Variants in ANK2 observed in about 807,000 individuals in gnomAD.
ANK2 encodes ankyrin-2.
A neutral mutation model predicts 360.5 loss-of-function variants in ANK2; 83 were observed. The ratio of observed to expected loss-of-function variants is 0.23; its 90% CI spans 0.19 to 0.28. The LOEUF (loss-of-function observed/expected upper bound fraction) is 0.28. Among genes scored for constraint, ANK2 ranks in the 10% least tolerant of loss-of-function variants. The pLI is 1.00. For missense variants in ANK2, 4,201 were observed against 4,795.7 expected (o/e 0.88, Z 3.66); for synonymous variants, 1,740 against 1,759.5 (o/e 0.99, Z 0.28).
intron 1 of ANK2, among the ~76,000 whole-genome samples, chr4:113,069,478 C>T (rs555550787): frequency 3.4e-4 from 52 of 152,266 alleles, no homozygotes; most frequent in African/African-American, 8.7e-4. Flanking sequence ...ATCCAATCAA[C>T]GAAGATCAGC....
At chr4:112,822,447 AC>A (rs1203382099) in intron 1 of ANK2, among the ~76,000 whole-genome samples, 1 of 150,916 alleles carries the variant, frequency 6.6e-6, no homozygotes, top group Non-Finnish European at 1.5e-5. Context: ...AACAACAACA[AC>A]AAAAAACCAT....
chr4:112,989,423 A>G (rs1383505085), intron 2 of ANK2, among the ~76,000 whole-genome samples: 1 of 152,234 alleles, frequency 6.6e-6, no homozygotes, highest in East Asian at 1.9e-4. Context: ...CATAATATTT[A>G]TCTACCAAAT....
intron 26 of ANK2, among the ~76,000 whole-genome samples, chr4:113,322,453 G>A (rs866825638): frequency 2.6e-5 from 4 of 152,300 alleles, no homozygotes; most frequent in African/African-American, 7.2e-5. Context: ...TCTTGGGCAA[G>A]AATTTTAATT....
intron 1 of ANK2, chr4:113,072,102 G>C (rs1307325016): frequency 6.6e-6 from 1 of 152,182 alleles, no homozygotes; most frequent in Non-Finnish European, 1.5e-5. Flanking sequence ...TTCAAGATGA[G>C]ATTTGGATGG....
In ANK2 at chr4:113,356,265, G is replaced by A. The variant is rs761693652; in HGVS notation, c.7647G>A (p.Glu2549=). ...CCAGCTCTGAAGAAGTCAGCTATGA[G>A]GTTACACCCAAAACCACAGATGTAA... ...DTPSSEEVSY[E]VTPKTTDVST... The change falls in exon 38 of 46, where the codon GAG becomes GAA. Residue 2549 remains glutamate, a synonymous_variant. Transcript: ENST00000357077. 1.2e-6 allele frequency: 2 copies of A among 1,614,064 alleles called. No homozygotes were observed. Among genetic ancestry groups the A allele is most frequent in the South Asian group, 1.1e-5 (1 of 91,074 alleles).
chr4:112,832,799 A>C (rs2060090648), intron 1 of ANK2, among the ~76,000 whole-genome samples: 1 of 152,260 alleles, frequency 6.6e-6, no homozygotes, highest in Admixed American at 6.5e-5. Context: ...AAATATTTTA[A>C]AAGGATATAT....
Position 113,092,391 on chromosome 4 carries a change from T to C in ANK2, c.84+42579T>C, listed in dbSNP as rs533579123. On this transcript the variant is annotated intron_variant, in intron 1 of 45. Coordinates refer to ENST00000357077, the MANE Select transcript of ANK2 (RefSeq NM_001148.6). ...GTGTAGAAGTCCTTGTTAATTAAAG[T>C]GTCCATGGACCAGCAGCATGGGCAT... 5.8e-4 allele frequency among the ~76,000 whole-genome samples: 88 copies of C among 152,338 alleles called. 1 individual carries two copies. Among genetic ancestry groups the C allele is most frequent in the Middle Eastern group, 3.4e-3 (1 of 294 alleles).
chr4:112,809,903 G>C, the ANK2 span, among the ~76,000 whole-genome samples: 1 of 150,406 alleles, frequency 6.6e-6, no homozygotes, highest in African/African-American at 2.4e-5. Context: ...TGCATTTGGG[G>C]AGAAATGTTC....
chr4:113,143,531 A>T (rs2096720567), intron 1 of ANK2, among the ~76,000 whole-genome samples: 1 of 152,236 alleles, frequency 6.6e-6, no homozygotes, highest in Non-Finnish European at 1.5e-5. Context: ...AGTGGACATA[A>T]TTCTATTTTG....
intron 42 of ANK2, among the ~76,000 whole-genome samples, chr4:113,368,254 C>G (rs1224966503): frequency 6.6e-6 from 1 of 152,182 alleles, no homozygotes; most frequent in Non-Finnish European, 1.5e-5. Flanking sequence ...ACCTCATTTG[C>G]TCTGTAGCAC....
chr4:112,883,778 A>G (rs1371404629), intron 1 of ANK2, among the ~76,000 whole-genome samples: 2 of 151,816 alleles, frequency 1.3e-5, no homozygotes, highest in South Asian at 2.1e-4. Context: ...GCCTTTACTC[A>G]TGAATGAAAT....
chr4:112,808,817 T>C, the ANK2 span, among the ~76,000 whole-genome samples: 2 of 152,216 alleles, frequency 1.3e-5, no homozygotes, highest in African/African-American at 2.4e-5. Context: ...AATAACTTAA[T>C]AGAAAACAAA....
chr4:113,021,541 C>CATATATATAT lies in ANK2; in HGVS notation c.21+117056_21+117065dup, dbSNP rs57817594. ...ATACACACACACACCCACACACAAA[C>CATATATATAT]ATATATATATATATATATATATATA... On this transcript the variant is annotated intron_variant, in intron 2 of 30. Coordinates refer to the ANK2 transcript ENST00000503271. Among the ~76,000 whole-genome samples, 101 of 95,604 alleles carry CATATATATAT rather than the reference C, an allele frequency of 1.1e-3. 3 individuals are homozygous for CATATATATAT. The highest frequency in any genetic ancestry group is 2.5e-3 in the African/African-American group (66 of 26,152). 62.7% of individuals were successfully genotyped at this position (95,604 alleles called of 152,430 possible).
At chr4:113,236,122 C>A (rs894059078) in intron 5 of ANK2, among the ~76,000 whole-genome samples, 1 of 151,830 alleles carries the variant, frequency 6.6e-6, no homozygotes, top group Non-Finnish European at 1.5e-5. Context: ...TGTTTTCCAA[C>A]TTTTGTGGAT....
rs373397724 is a variant in ANK2, at chr4:113,226,917, A to G, written c.385-5244A>G. Among the ~76,000 whole-genome samples, 14 of 152,304 alleles carry G rather than the reference A, an allele frequency of 9.2e-5. No homozygotes were observed. In the East Asian group the frequency reaches 1.5e-3, roughly 17 times the overall value. On this transcript the variant is annotated intron_variant, in intron 4 of 45. Transcript: ENST00000357077. Reference sequence around the variant, plus strand: ...TGGATATCTTTGACTTTTTTATACCAAAAAGGAGAAAATGCATCTATTTTC... The same window carrying G: ...TGGATATCTTTGACTTTTTTATACCGAAAAGGAGAAAATGCATCTATTTTC...
chr4:113,347,747 T>A (rs968206570), intron 35 of ANK2: 1 of 157,906 alleles, frequency 6.3e-6, no homozygotes, highest in Non-Finnish European at 1.4e-5. Context: ...GGCAGGAGGA[T>A]TGCTTGAGTC....
Position 113,249,760 on chromosome 4 carries a change from G to T in ANK2, c.892-4G>T, listed in dbSNP as rs2153601296. Reference sequence around the variant, plus strand: ...TGGGCCTAATTCTTTAATTCTTTTGGCAGGATGGGTTGACACCACTTCACT... The same window carrying T: ...TGGGCCTAATTCTTTAATTCTTTTGTCAGGATGGGTTGACACCACTTCACT... On this transcript the variant is annotated splice_polypyrimidine_tract_variant and splice_region_variant and intron_variant, in intron 9 of 45. Coordinates refer to ENST00000357077, the MANE Select transcript of ANK2 (RefSeq NM_001148.6). The T allele has an allele frequency of 6.2e-7, 1 of 1,613,888 alleles. No homozygotes were observed. Among genetic ancestry groups the T allele is most frequent in the Non-Finnish European group, 8.5e-7 (1 of 1,179,970 alleles).
At chr4:113,311,966 T>G (rs754887262) in intron 24 of ANK2, among the ~76,000 whole-genome samples, 10 of 152,170 alleles carry the variant, frequency 6.6e-5, no homozygotes, top group Non-Finnish European at 1.2e-4. Flanking sequence ...GGGAGCCCAG[T>G]GTTAATAGGC....
chr4:113,377,349 T>A (rs1318546574), intron 45 of ANK2, among the ~76,000 whole-genome samples: 2 of 152,176 alleles, frequency 1.3e-5, no homozygotes, highest in Non-Finnish European at 2.9e-5. Flanking sequence ...GTGACAGGAA[T>A]TTTTTAGCTC....
Sources: gnomAD v4.1 joint callset for allele counts (sites outside exome capture counted in the v4.1 genomes callset) on GRCh38, gnomAD v4.1.1 for gene constraint, MANE v1.5 for transcripts, NCBI Gene and HGNC (gene_info 2026-07-23, HGNC 2026-07-21) for gene names.